The following PDE7A variants were observed in gnomAD, a reference collection of about 807,000 sequenced individuals.
The protein encoded by PDE7A is high affinity 3',5'-cyclic-AMP phosphodiesterase 7A.
PDE7A carries 39 observed loss-of-function variants against 64.3 expected under a neutral mutation model. The observed-to-expected ratio is 0.61, with a 90% CI of 0.47 to 0.79. PDE7A has a LOEUF of 0.79. Ranked by LOEUF, PDE7A falls within the 30% of genes least tolerant of loss-of-function variation. The probability of loss-of-function intolerance (pLI) is 0.00; values close to 1 mark genes in which losing one functional copy is unlikely to be tolerated. For missense variants in PDE7A, 470 were observed against 582.8 expected (o/e 0.81, Z 1.99); for synonymous variants, 203 against 206.8 (o/e 0.98, Z 0.16).
At chr8:65,835,133 CAAATT>C (rs1434795680) in intron 1 of PDE7A, among the ~76,000 whole-genome samples, 1 of 152,110 alleles carries the variant, frequency 6.6e-6, no homozygotes, top group African/African-American at 2.4e-5. Flanking sequence ...TCTCTCAATT[CAAATT>C]AACCATAAAA....
chr8:65,831,289 AC>A (rs1036772013), intron 1 of PDE7A, among the ~76,000 whole-genome samples: 1 of 152,066 alleles, frequency 6.6e-6, no homozygotes, highest in Non-Finnish European at 1.5e-5. Context: ...AAACTTATCT[AC>A]CCCCCTCTAC....
intron 1 of PDE7A, among the ~76,000 whole-genome samples, chr8:65,808,634 C>T (rs1054839878): frequency 6.6e-6 from 1 of 152,042 alleles, no homozygotes; most frequent in African/African-American, 2.4e-5. Flanking sequence ...TTTGCATGTT[C>T]TTTCCCTTGA....
rs115577074 is a variant in PDE7A, at chr8:65,745,093, A to G, written c.499+314T>C. ...AAGTCTAACGAGATCTGATGATTTC[A>G]TAAGGGGTTTCCCCTTTTGCTTGGC... is the stretch of plus-strand genomic sequence containing the variant. On this transcript the variant is annotated intron_variant, in intron 5 of 12. Coordinates refer to ENST00000401827, the MANE Select transcript of PDE7A (RefSeq NM_001242318.3). Among the ~76,000 whole-genome samples the G allele has an allele frequency of 4.1e-3, 627 of 152,338 alleles. 4 individuals are homozygous for G. The highest frequency in any genetic ancestry group is 0.013 in the African/African-American group (560 of 41,568).
At chr8:65,821,383 C>T (rs903201200) in intron 1 of PDE7A, among the ~76,000 whole-genome samples, 4 of 144,118 alleles carry the variant, frequency 2.8e-5, no homozygotes, top group Non-Finnish European at 6.0e-5. Flanking sequence ...AATTCCCTCC[C>T]CCCTAAACCA....
intron 7 of PDE7A, chr8:65,727,694 A>C (rs1806669733): frequency 6.3e-6 from 1 of 157,624 alleles, no homozygotes; most frequent in Non-Finnish European, 1.4e-5. Context: ...CTAAAATTTT[A>C]AGGGTGTTTA....
At chr8:65,837,492 T>C (rs1810974809) in intron 1 of PDE7A, among the ~76,000 whole-genome samples, 1 of 152,238 alleles carries the variant, frequency 6.6e-6, no homozygotes, top group South Asian at 2.1e-4. Flanking sequence ...AAAGTTCATT[T>C]AGATTTTGTA....
intron 1 of PDE7A, among the ~76,000 whole-genome samples, chr8:65,820,395 CA>C (rs1050178898): frequency 6.7e-6 from 1 of 150,104 alleles, no homozygotes; most frequent in Non-Finnish European, 1.5e-5. Context: ...GACCCTGTTT[CA>C]AAAAAAAGAA....
chr8:65,762,228 C>T (rs1808533594), intron 3 of PDE7A, among the ~76,000 whole-genome samples: 1 of 152,170 alleles, frequency 6.6e-6, no homozygotes, highest in Non-Finnish European at 1.5e-5. Context: ...CCCTTTCTTT[C>T]TCTTGATTTC....
intron 1 of PDE7A, among the ~76,000 whole-genome samples, chr8:65,794,496 A>T (rs547878022): frequency 1.3e-5 from 2 of 152,310 alleles, no homozygotes; most frequent in Non-Finnish European, 2.9e-5. Context: ...AATATAAATT[A>T]TAACATAGAC....
chr8:65,730,507 C>T (rs1166198430), intron 7 of PDE7A, among the ~76,000 whole-genome samples: 1 of 152,060 alleles, frequency 6.6e-6, no homozygotes, highest in Non-Finnish European at 1.5e-5. Context: ...AATCTAATGC[C>T]TGATGATCTG....
intron 1 of PDE7A, among the ~76,000 whole-genome samples, chr8:65,834,323 G>T (rs112051330): frequency 1.2e-4 from 18 of 152,084 alleles, no homozygotes; most frequent in African/African-American, 3.1e-4. Flanking sequence ...TTGCTTTATT[G>T]TAAGACAGAA....
At chr8:65,752,839 C>G (rs1185267126) in intron 3 of PDE7A, among the ~76,000 whole-genome samples, 1 of 152,098 alleles carries the variant, frequency 6.6e-6, no homozygotes, top group African/African-American at 2.4e-5. Context: ...TTCTTTTTAA[C>G]TATTTGTTTG....
intron 1 of PDE7A, among the ~76,000 whole-genome samples, chr8:65,830,499 A>C (rs1478747254): frequency 6.6e-6 from 1 of 152,116 alleles, no homozygotes; most frequent in African/African-American, 2.4e-5. Flanking sequence ...TAAAGTAAAA[A>C]AGGAACAGAA....
intron 6 of PDE7A, among the ~76,000 whole-genome samples, chr8:65,735,102 G>A (rs1046760544): frequency 3.9e-5 from 6 of 152,108 alleles, no homozygotes; most frequent in African/African-American, 9.7e-5. Flanking sequence ...TATCATGGAC[G>A]AACAGACTAG....
intron 9 of PDE7A, 132 bp from the exon 10 acceptor site, chr8:65,725,053 T>C (rs1033631059): frequency 4.1e-6 from 2 of 485,162 alleles, no homozygotes; most frequent in East Asian, 6.8e-5. Flanking sequence ...AATTTAAAAT[T>C]TATCACACAA....
At chr8:65,741,400 G>A (rs1807430230) in intron 5 of PDE7A, among the ~76,000 whole-genome samples, 1 of 152,154 alleles carries the variant, frequency 6.6e-6, no homozygotes, top group African/African-American at 2.4e-5. Context: ...ATAAAGGACT[G>A]TTTGGTTAAC....
chr8:65,768,880 G>A (rs1318295118), intron 3 of PDE7A, among the ~76,000 whole-genome samples: 1 of 152,138 alleles, frequency 6.6e-6, no homozygotes, highest in East Asian at 1.9e-4. Context: ...GGTCAAGAAT[G>A]CATCAGAAAA....
intron 3 of PDE7A, among the ~76,000 whole-genome samples, chr8:65,774,100 CT>C: frequency 6.6e-6 from 1 of 152,150 alleles, no homozygotes. Context: ...TTTCTTTCCC[CT>C]CCCATCTCCT....
At chr8:65,829,982 C>T (rs1253895650) in intron 1 of PDE7A, among the ~76,000 whole-genome samples, 1 of 152,110 alleles carries the variant, frequency 6.6e-6, no homozygotes, top group African/African-American at 2.4e-5. Context: ...ATTAGGTTCT[C>T]ACTTTCCATC....
Sources: allele counts gnomAD v4.1 joint callset (sites outside exome capture counted in the v4.1 genomes callset), GRCh38; gene constraint gnomAD v4.1.1; transcripts MANE v1.5; gene names NCBI Gene and HGNC (gene_info 2026-07-23, HGNC 2026-07-21).